RIF1: variants seen among roughly 807,000 people sequenced by gnomAD.
RIF1 encodes the protein replication timing regulatory factor 1, also known as telomere-associated protein RIF1.
RIF1 carries 45 observed loss-of-function variants against 247.1 expected under a neutral mutation model. The ratio of observed to expected loss-of-function variants is 0.18; its 90% CI spans 0.14 to 0.23. The LOEUF is 0.23. Ranked by LOEUF, RIF1 falls within the 10% of genes least tolerant of loss-of-function variation. The pLI is 1.00. For missense variants in RIF1, 2,967 were observed against 2,862.5 expected (o/e 1.04, Z -0.83); for synonymous variants, 1,087 against 978.8 (o/e 1.11, Z -2.06).
chr2:151,423,610 G>A (rs991312947), intron 8 of RIF1: 4 of 152,422 alleles, frequency 2.6e-5, no homozygotes, highest in African/African-American at 9.7e-5. Flanking sequence ...ATATTGAACA[G>A]CTGACAAAAG....
chr2:151,517,532 A>G, the RIF1 span, among the ~76,000 whole-genome samples: 1 of 152,194 alleles, frequency 6.6e-6, no homozygotes. Context: ...TTGCTTAACA[A>G]CTGGGATATG....
the RIF1 span, chr2:151,530,852 A>G: frequency 3.3e-6 from 2 of 601,148 alleles, no homozygotes; most frequent in Non-Finnish European, 5.9e-6. Flanking sequence ...CCGAATCATG[A>G]GCAAAAGAGA....
At chr2:151,514,512 C>G in the RIF1 span, 27 of 1,135,430 alleles carry the variant, frequency 2.4e-5, no homozygotes, top group South Asian at 3.0e-4. Flanking sequence ...AAAAACAATT[C>G]CAATTTTTAA....
At chr2:151,497,581 C>CA (rs756995889) in intron 10 of RIF1, 28 of 1,538,822 alleles carry the variant, frequency 1.8e-5, no homozygotes, top group Non-Finnish European at 2.3e-5. Context: ...TGAAAGTTTT[C>CA]AAAATCATTA....
intron 6 of RIF1, among the ~76,000 whole-genome samples, chr2:151,418,880 A>C (rs1208128175): frequency 6.6e-6 from 1 of 152,116 alleles, no homozygotes; most frequent in East Asian, 1.9e-4. Context: ...GTCTCAAAAA[A>C]AAAAAGAATA....
chr2:151,418,193 T>C (rs1195307599), intron 6 of RIF1, among the ~76,000 whole-genome samples: 1 of 152,162 alleles, frequency 6.6e-6, no homozygotes, highest in African/African-American at 2.4e-5. Flanking sequence ...TTAAAATAAA[T>C]TAACCTCTAC....
chr2:151,490,532 A>C, intron 9 of RIF1: 1 of 1,606,266 alleles, frequency 6.2e-7, no homozygotes, highest in Non-Finnish European at 8.5e-7. Flanking sequence ...GGAGAGATGC[A>C]GTTGGGGGAG....
intron 23 of RIF1, among the ~76,000 whole-genome samples, chr2:151,456,975 T>C (rs2444262): frequency 0.69 from 104,393 of 152,080 alleles, 36,289 homozygotes; most frequent in Middle Eastern, 0.78. Context: ...CTCAAGTGAT[T>C]CGCCTGCCTC....
Position 151,464,685 on chromosome 2 carries a change from G to T in RIF1, c.5165G>T (p.Arg1722Ile), listed in dbSNP as rs1696651904. The T allele has an allele frequency of 6.2e-7, 1 of 1,612,590 alleles. No homozygotes were observed. The highest frequency in any genetic ancestry group is 1.3e-5 in the African/African-American group (1 of 74,860). ...TFQTLECQHK[R>I]SRRVRRSKGC... is the part of the protein sequence containing the mutation. The stretch of plus-strand genomic sequence containing the variant: ...CAAACACTTGAATGCCAACACAAGA[G>T]AAGTAGGAGGGTGAGGAGATCTAAA... The change falls in exon 30 of 36, where the codon AGA (arginine) becomes ATA (isoleucine). Residue 1722 changes from arginine (R) to isoleucine (I), a missense_variant. This residue lies in a region of RIF1 where 2,028 missense variants were observed against 1,825.6 expected (regional missense o/e 1.11). Transcript: ENST00000444746.
At chr2:151,410,637 A>C in intron 2 of RIF1, 110 bp downstream of exon 2, 2 of 885,774 alleles carry the variant, frequency 2.3e-6, no homozygotes, top group Non-Finnish European at 1.8e-6. Flanking sequence ...AGTCTAGCAA[A>C]TGTGAGGACG....
chr2:151,455,946 ATTAT>A, intron 22 of RIF1, among the ~76,000 whole-genome samples: 1 of 152,350 alleles, frequency 6.6e-6, no homozygotes, highest in South Asian at 2.1e-4. Context: ...ACAATTGAAC[ATTAT>A]TTATACGTAA....
Position 151,480,303 on chromosome 2 carries a change from A to C in RIF1, c.*5232A>C, listed in dbSNP as rs942728576. 2.6e-4 allele frequency: 40 copies of C among 152,298 alleles called. No homozygotes were observed. The highest frequency in any genetic ancestry group is 9.1e-4 in the African/African-American group (38 of 41,572). The allele number at this position is 152,298 out of a possible 1,614,324, so 9.4% of individuals were successfully genotyped here. On this transcript the variant is annotated 3_prime_UTR_variant, in exon 36 of 36. Coordinates refer to ENST00000444746, the MANE Select transcript of RIF1 (RefSeq NM_018151.5). ...TTTTGGCCACAGTGTGCCAATTTAT[A>C]ATTGTAGATAAAGCTGAATTTACTG...
Position 151,463,871 on chromosome 2 carries a change from C to T in RIF1, c.4351C>T (p.Leu1451Phe). The change falls in exon 30 of 36, where the codon CTT (leucine) becomes TTT (phenylalanine). Residue 1451 changes from leucine to phenylalanine, a missense_variant. Leu to Phe is a conservative substitution (Grantham distance 22). Transcript: ENST00000444746. ...KERRKEEEKP[L>F]QKSPLHIKDD... ...ACGACGTAAGGAAGAAGAAAAACCT[C>T]TTCAGAAGAGTCCATTGCATATAAA... The T allele has an allele frequency of 1.2e-6, 2 of 1,613,116 alleles. No individual in the cohort carries two copies. The highest frequency in any genetic ancestry group is 1.7e-6 in the Non-Finnish European group (2 of 1,179,828).
chr2:151,534,014 G>A, the RIF1 span, among the ~76,000 whole-genome samples: 1 of 152,286 alleles, frequency 6.6e-6, no homozygotes, highest in South Asian at 2.1e-4. Flanking sequence ...CTTCACCACA[G>A]CACAAGTGAG....
At chr2:151,514,418 C>T in the RIF1 span, 1 of 1,609,078 alleles carries the variant, frequency 6.2e-7, no homozygotes, top group Non-Finnish European at 8.5e-7. Flanking sequence ...TAGATCTTTC[C>T]TGTACTCTTT....
At chr2:151,491,741 A>C in intron 9 of RIF1, 1 of 1,597,052 alleles carries the variant, frequency 6.3e-7, no homozygotes, top group Non-Finnish European at 8.5e-7. Context: ...CATAGTCAAA[A>C]ACCGAACCAG....
chr2:151,435,194 T>A (rs1429153680), intron 10 of RIF1, among the ~76,000 whole-genome samples: 1 of 152,214 alleles, frequency 6.6e-6, no homozygotes, highest in African/African-American at 2.4e-5. Context: ...TTTCCAGAGT[T>A]TTAAAAAGTT....
chr2:151,468,998 T>C (rs1331286575), intron 33 of RIF1, among the ~76,000 whole-genome samples: 1 of 152,226 alleles, frequency 6.6e-6, no homozygotes, highest in Non-Finnish European at 1.5e-5. Flanking sequence ...ATCATTATCT[T>C]GTTTAATCCA....
intron 10 of RIF1, among the ~76,000 whole-genome samples, chr2:151,496,664 T>G (rs2060426150): frequency 6.6e-6 from 1 of 152,158 alleles, no homozygotes. Context: ...ACATGAGGAT[T>G]TGAGACTGTT....
Sources: gnomAD v4.1 joint callset for allele counts (sites outside exome capture counted in the v4.1 genomes callset) on GRCh38, gnomAD v4.1.1 for gene constraint, gnomAD v4.1.1 regional missense constraint, MANE v1.5 for transcripts, NCBI Gene and HGNC (gene_info 2026-07-23, HGNC 2026-07-21) for gene names.